Variants in ST18 observed in about 807,000 individuals in gnomAD.
ST18 encodes suppression of tumorigenicity 18 protein.
Under a neutral mutation model 110.0 loss-of-function variants are expected in ST18, and 50 were observed. The ratio of observed to expected loss-of-function variants is 0.45; its 90% CI spans 0.36 to 0.58. ST18 has a LOEUF of 0.58. Ranked by LOEUF, ST18 falls within the 20% of genes least tolerant of loss-of-function variation. ST18 has a pLI of 0.00. For missense variants in ST18, 1,306 were observed against 1,280.1 expected (o/e 1.02, Z -0.31); for synonymous variants, 461 against 452.4 (o/e 1.02, Z -0.24).
intron 19 of ST18, among the ~76,000 whole-genome samples, chr8:52,133,595 T>TC (rs1323225177): frequency 6.7e-6 from 1 of 148,396 alleles, no homozygotes; most frequent in Admixed American, 6.7e-5. Flanking sequence ...TTGTACATTC[T>TC]TTTTTTTTTA....
At chr8:52,348,648 G>A (rs1164358004) in intron 2 of ST18, among the ~76,000 whole-genome samples, 1 of 152,106 alleles carries the variant, frequency 6.6e-6, no homozygotes, top group African/African-American at 2.4e-5. Context: ...GGAGGCTGAG[G>A]TAGAAGAATT....
chr8:52,210,929 A>G (rs1564087321), intron 8 of ST18, among the ~76,000 whole-genome samples: 3 of 152,190 alleles, frequency 2.0e-5, no homozygotes, highest in Non-Finnish European at 4.4e-5. Context: ...AACTGTGTAA[A>G]TTGCATACCT....
chr8:52,227,684 C>A (rs1243037778), intron 3 of ST18, among the ~76,000 whole-genome samples: 1 of 152,138 alleles, frequency 6.6e-6, no homozygotes, highest in African/African-American at 2.4e-5. Context: ...TTCAAAGGAA[C>A]TTTTTCCTTT....
At chr8:52,373,457 C>T (rs1590370488) in intron 2 of ST18, among the ~76,000 whole-genome samples, 1 of 152,080 alleles carries the variant, frequency 6.6e-6, no homozygotes, top group Non-Finnish European at 1.5e-5. Flanking sequence ...GCTTCCCACC[C>T]CTGGCCTCTT....
chr8:52,147,170 A>G (rs962950963), intron 16 of ST18, among the ~76,000 whole-genome samples: 2 of 152,216 alleles, frequency 1.3e-5, no homozygotes, highest in Non-Finnish European at 2.9e-5. Context: ...TCCACTCTAA[A>G]GAATCCCATC....
At chr8:52,119,970 C>A (rs932802042) in intron 23 of ST18, among the ~76,000 whole-genome samples, 1 of 152,116 alleles carries the variant, frequency 6.6e-6, no homozygotes, top group African/African-American at 2.4e-5. Context: ...AGTAGTTAGA[C>A]CAGTTTAAAT....
Position 52,361,956 on chromosome 8 carries a change from C to T in ST18, c.-465+47372G>A, listed in dbSNP as rs141114166. ...AATATGTCTGAAAATAATTTTTCTA[C>T]AGGTTTTGCTTCAGTTGTAGGTTAA... On this transcript the variant is annotated intron_variant, in intron 2 of 25. Coordinates refer to ENST00000689386, the MANE Select transcript of ST18 (RefSeq NM_001352837.2). Among the ~76,000 whole-genome samples, 329 of 151,990 alleles carry T rather than the reference C, an allele frequency of 2.2e-3. 4 individuals carry two copies. Among genetic ancestry groups the T allele is most frequent in the East Asian group, 5.8e-4 (3 of 5,178 alleles).
intron 2 of ST18, among the ~76,000 whole-genome samples, chr8:52,270,956 G>A (rs528373763): frequency 4.6e-5 from 7 of 151,758 alleles, no homozygotes; most frequent in Non-Finnish European, 8.8e-5. Flanking sequence ...CCAGGCTGGA[G>A]GGCATCTCGG....
intron 2 of ST18, among the ~76,000 whole-genome samples, chr8:52,337,042 C>A (rs1483274320): frequency 6.6e-6 from 1 of 152,212 alleles, no homozygotes; most frequent in Non-Finnish European, 1.5e-5. Flanking sequence ...TCAACTAGTG[C>A]TTTCAGAATA....
At chr8:52,113,406 G>A (rs1586008599) in intron 25 of ST18, 68 bp from the exon 26 acceptor site, 3 of 1,574,434 alleles carry the variant, frequency 1.9e-6, no homozygotes, top group East Asian at 2.2e-5. Context: ...AGGACCCAGT[G>A]ACATCGAAGA....
chr8:52,251,632 T>C (rs1340887790), intron 2 of ST18, among the ~76,000 whole-genome samples: 1 of 152,100 alleles, frequency 6.6e-6, no homozygotes, highest in African/African-American at 2.4e-5. Context: ...TTATCTAGAA[T>C]GATCAATTGG....
At chr8:52,120,468 T>A (rs897187258) in intron 23 of ST18, among the ~76,000 whole-genome samples, 2 of 152,192 alleles carry the variant, frequency 1.3e-5, no homozygotes, top group African/African-American at 4.8e-5. Flanking sequence ...GGCCCTTCAC[T>A]GGAGAAGATG....
Position 52,379,731 on chromosome 8 carries a change from A to C in ST18, c.-465+29597T>G, listed in dbSNP as rs1478377415. On this transcript the variant is annotated intron_variant, in intron 2 of 25. Transcript: ENST00000689386. ...ATATTACAAAAGTTAAAGTTTATCA[A>C]AACTCACACATATACTTACAGACCA... is the stretch of plus-strand genomic sequence containing the variant. Among the ~76,000 whole-genome samples the C allele has an allele frequency of 2.6e-5, 4 of 152,232 alleles. No individual in the cohort carries two copies. The East Asian group carries it at 7.7e-4, about 29-fold the overall frequency.
intron 8 of ST18, chr8:52,201,198 T>C (rs937809761): frequency 6.6e-6 from 1 of 152,334 alleles, no homozygotes; most frequent in African/African-American, 2.4e-5. Flanking sequence ...TGGCCAGGGT[T>C]GTGTGAGCCT....
At chr8:52,251,861 C>T (rs1197341702) in intron 2 of ST18, among the ~76,000 whole-genome samples, 1 of 151,988 alleles carries the variant, frequency 6.6e-6, no homozygotes, top group Non-Finnish European at 1.5e-5. Context: ...TTATATACCG[C>T]TTGGGATTTT....
intron 2 of ST18, among the ~76,000 whole-genome samples, chr8:52,252,985 A>G (rs1277688882): frequency 6.6e-6 from 1 of 151,948 alleles, no homozygotes; most frequent in African/African-American, 2.4e-5. Context: ...CTATTTCCCT[A>G]ACATAACGAT....
chr8:52,362,436 A>G (rs1392459054), intron 2 of ST18, among the ~76,000 whole-genome samples: 2 of 152,318 alleles, frequency 1.3e-5, no homozygotes, highest in East Asian at 3.9e-4. Flanking sequence ...GTTTTCATCA[A>G]CTGGCAACAT....
chr8:52,185,661 GCAT>G (rs2071802450), intron 8 of ST18, among the ~76,000 whole-genome samples: 1 of 152,086 alleles, frequency 6.6e-6, no homozygotes, highest in East Asian at 1.9e-4. Context: ...GATGACAAAG[GCAT>G]CATTGGGCAA....
At chr8:52,233,479 G>T (rs976014837) in intron 2 of ST18, among the ~76,000 whole-genome samples, 5 of 152,106 alleles carry the variant, frequency 3.3e-5, no homozygotes, top group African/African-American at 1.2e-4. Context: ...ACAGATCTAG[G>T]ATGGACATAC....
Sources: allele counts gnomAD v4.1 joint callset (sites outside exome capture counted in the v4.1 genomes callset), GRCh38; gene constraint gnomAD v4.1.1; transcripts MANE v1.5; gene names NCBI Gene and HGNC (gene_info 2026-07-23, HGNC 2026-07-21).